The following PHACTR3 variants were observed in gnomAD, a reference collection of about 807,000 sequenced individuals.
PHACTR3 encodes the protein phosphatase and actin regulator 3, also known as protein phosphatase 1, regulatory subunit 123.
PHACTR3 carries 16 observed loss-of-function variants against 66.8 expected under a neutral mutation model. The observed-to-expected ratio is 0.24, with a 90% confidence interval of 0.16 to 0.36. The LOEUF (loss-of-function observed/expected upper bound fraction) is 0.36, where lower values mean the gene tolerates loss of function less well. Ranked by LOEUF, PHACTR3 falls within the 10% of genes least tolerant of loss-of-function variation. The pLI, the probability that PHACTR3 is intolerant of heterozygous loss-of-function variation, is 1.00. For synonymous variants in PHACTR3, 323 were observed against 292.1 expected (o/e 1.11, Z -1.08); for missense variants, 647 against 719.9 (o/e 0.90, Z 1.16).
chr20:59,652,184 G>T (rs1199608158), intron 1 of PHACTR3, among the ~76,000 whole-genome samples: 3 of 152,170 alleles, frequency 2.0e-5, no homozygotes, highest in Non-Finnish European at 2.9e-5. Flanking sequence ...GCCTCTATCA[G>T]GTCGGATGTT....
intron 1 of PHACTR3, among the ~76,000 whole-genome samples, chr20:59,579,012 C>A (rs1298236972): frequency 6.6e-6 from 1 of 152,192 alleles, no homozygotes; most frequent in African/African-American, 2.4e-5. Context: ...GAAGCCCCTC[C>A]CCCAGTGCCT....
chr20:59,654,525 G>A (rs1346376421), intron 1 of PHACTR3, among the ~76,000 whole-genome samples: 1 of 152,100 alleles, frequency 6.6e-6, no homozygotes, highest in Non-Finnish European at 1.5e-5. Context: ...ACAACCAGAA[G>A]TTATATGCCT....
At chr20:59,811,488 G>C (rs550651896) in intron 8 of PHACTR3, among the ~76,000 whole-genome samples, 1 of 152,126 alleles carries the variant, frequency 6.6e-6, no homozygotes, top group East Asian at 1.9e-4. Flanking sequence ...GTGAAACCTC[G>C]TCTCTACTGA....
At chr20:59,719,778 T>C (rs1165685902) in intron 1 of PHACTR3, among the ~76,000 whole-genome samples, 1 of 152,200 alleles carries the variant, frequency 6.6e-6, no homozygotes, top group Non-Finnish European at 1.5e-5. Context: ...GTTGCATCAC[T>C]GGTGTGACTG....
At chr20:59,622,738 C>T (rs2034289256) in intron 1 of PHACTR3, among the ~76,000 whole-genome samples, 1 of 151,868 alleles carries the variant, frequency 6.6e-6, no homozygotes, top group African/African-American at 2.4e-5. Context: ...GGGACCTGAG[C>T]CGGGCACCAG....
At chr20:59,817,090 C>T (rs1014170929) in intron 8 of PHACTR3, among the ~76,000 whole-genome samples, 6 of 152,186 alleles carry the variant, frequency 3.9e-5, no homozygotes, top group Non-Finnish European at 8.8e-5. Context: ...GAGTTTAGTT[C>T]AGTACAATAA....
intron 1 of PHACTR3, among the ~76,000 whole-genome samples, chr20:59,668,104 C>G (rs2036057199): frequency 6.6e-6 from 1 of 152,168 alleles, no homozygotes. Flanking sequence ...GCACATACAC[C>G]TGTATGGGGT....
intron 8 of PHACTR3, among the ~76,000 whole-genome samples, chr20:59,827,576 T>C (rs1240179284): frequency 1.3e-5 from 2 of 152,064 alleles, no homozygotes; most frequent in African/African-American, 4.8e-5. Flanking sequence ...GGTGAGACCA[T>C]GGAGGTGCAG....
intron 1 of PHACTR3, among the ~76,000 whole-genome samples, chr20:59,662,351 C>T (rs2035836620): frequency 6.6e-6 from 1 of 152,068 alleles, no homozygotes; most frequent in Non-Finnish European, 1.5e-5. Flanking sequence ...GAGGAAGCAG[C>T]CTTTACCCTG....
At chr20:59,639,553 A>G (rs2035026651) in intron 1 of PHACTR3, among the ~76,000 whole-genome samples, 1 of 152,176 alleles carries the variant, frequency 6.6e-6, no homozygotes, top group South Asian at 2.1e-4. Context: ...TTGAAAGAGA[A>G]TATTCATAAA....
Position 59,604,843 on chromosome 20 carries a change from C to G in PHACTR3, c.-172C>G. Reference sequence around the variant, plus strand: ...TGTCTCCCCGCCCTGAAGCCAGCCCCGGCGTCTTTCTCCAGCTCGTTTCCT... The same window carrying G: ...TGTCTCCCCGCCCTGAAGCCAGCCCGGGCGTCTTTCTCCAGCTCGTTTCCT... On this transcript the variant is annotated 5_prime_UTR_variant, in exon 1 of 13. Transcript: ENST00000371015. 8.2e-7 allele frequency: 1 copy of G among 1,212,506 alleles called. No homozygotes were observed. The highest frequency in any genetic ancestry group is 1.0e-6 in the Non-Finnish European group (1 of 977,108). 75.1% of individuals were successfully genotyped at this position (1,212,506 alleles called of 1,614,324 possible). A position where few individuals can be genotyped will look rare whatever the true frequency, so the allele number is the denominator to read the frequency against.
chr20:59,796,198 A>G (rs995760732), intron 7 of PHACTR3, among the ~76,000 whole-genome samples: 13 of 152,228 alleles, frequency 8.5e-5, no homozygotes, highest in Middle Eastern at 3.4e-3. Context: ...TATTTTAAGT[A>G]GAAAACAATG....
intron 8 of PHACTR3, among the ~76,000 whole-genome samples, chr20:59,831,805 C>A (rs983234182): frequency 2.0e-5 from 3 of 152,230 alleles, no homozygotes; most frequent in African/African-American, 7.2e-5. Context: ...GAGGAACCGG[C>A]GCCCATTCCT....
At chr20:59,672,632 C>T (rs946543596) in intron 1 of PHACTR3, among the ~76,000 whole-genome samples, 3 of 152,200 alleles carry the variant, frequency 2.0e-5, no homozygotes, top group African/African-American at 7.2e-5. Context: ...GCACTCGGCA[C>T]ATGGAACCTG....
intron 1 of PHACTR3, among the ~76,000 whole-genome samples, chr20:59,701,188 T>G (rs897358025): frequency 2.6e-5 from 4 of 152,292 alleles, no homozygotes; most frequent in African/African-American, 9.6e-5. Flanking sequence ...CGAGTTGTTT[T>G]CTCCTTGTAT....
chr20:59,704,759 T>C (rs2037637906), intron 1 of PHACTR3, among the ~76,000 whole-genome samples: 1 of 149,860 alleles, frequency 6.7e-6, no homozygotes, highest in Non-Finnish European at 1.5e-5. Flanking sequence ...TCCTTTATTA[T>C]ATTTTTTTCA....
At chr20:59,587,774 G>A (rs906912887) in intron 1 of PHACTR3, among the ~76,000 whole-genome samples, 8 of 152,184 alleles carry the variant, frequency 5.3e-5, no homozygotes, top group African/African-American at 1.9e-4. Flanking sequence ...CTGGGGCTGG[G>A]GCCTGGGCCC....
At chr20:59,709,520 T>G (rs1158592754) in intron 1 of PHACTR3, among the ~76,000 whole-genome samples, 1 of 152,194 alleles carries the variant, frequency 6.6e-6, no homozygotes, top group African/African-American at 2.4e-5. Context: ...AGTTCTAGAT[T>G]CTCTTTTATT....
At position 59,802,268 on chromosome 20, in the gene PHACTR3, A is replaced by T. The variant is rs116432594; in HGVS notation, c.1175-3773A>T. Among the ~76,000 whole-genome samples the T allele has an allele frequency of 6.1e-3, 929 of 152,256 alleles. 9 individuals carry two copies. Among genetic ancestry groups the T allele is most frequent in the African/African-American group, 0.021 (885 of 41,538 alleles). Reference sequence around the variant, plus strand: ...GGTTCTTAGTGTCATGGGACACAGGAGGTCATATAGGAAGCAAATGTGGAC... The same window carrying T: ...GGTTCTTAGTGTCATGGGACACAGGTGGTCATATAGGAAGCAAATGTGGAC... On this transcript the variant is annotated intron_variant, in intron 7 of 12. Transcript: ENST00000371015.
Sources: allele counts gnomAD v4.1 joint callset (sites outside exome capture counted in the v4.1 genomes callset), GRCh38; gene constraint gnomAD v4.1.1; transcripts MANE v1.5; gene names NCBI Gene and HGNC (gene_info 2026-07-23, HGNC 2026-07-21).